The following GALNT17 variants were observed in gnomAD, a reference collection of about 807,000 sequenced individuals.
The protein encoded by GALNT17 is UDP-GalNAc:polypeptide N-acetylgalactosaminyltransferase-like 3.
GALNT17 carries 29 observed loss-of-function variants against 63.7 expected under a neutral mutation model. The ratio of observed to expected loss-of-function variants is 0.46; its 90% CI spans 0.34 to 0.62. The LOEUF is 0.62. Ranked by LOEUF, GALNT17 falls within the 20% of genes least tolerant of loss-of-function variation. GALNT17 has a pLI of 0.01. For missense variants in GALNT17, 603 were observed against 799.6 expected (o/e 0.75, Z 2.97); for synonymous variants, 305 against 318.3 (o/e 0.96, Z 0.45).
At chr7:71,424,184 G>A (rs981911090) in intron 5 of GALNT17, among the ~76,000 whole-genome samples, 1 of 152,160 alleles carries the variant, frequency 6.6e-6, no homozygotes, top group African/African-American at 2.4e-5. Context: ...AGCCTTCAGG[G>A]ATATTTGAGC....
intron 5 of GALNT17, among the ~76,000 whole-genome samples, chr7:71,482,877 T>C (rs1787845648): frequency 6.6e-6 from 1 of 152,106 alleles, no homozygotes; most frequent in Non-Finnish European, 1.5e-5. Flanking sequence ...TGCACATGCG[T>C]AGTTCACAAG....
At chr7:71,355,648 T>C (rs182675013) in intron 2 of GALNT17, among the ~76,000 whole-genome samples, 1 of 151,966 alleles carries the variant, frequency 6.6e-6, no homozygotes, top group African/African-American at 2.4e-5. Context: ...TTCTCCTGCC[T>C]CAGCCTTCCG....
At chr7:71,349,917 C>T (rs1380197905) in intron 2 of GALNT17, among the ~76,000 whole-genome samples, 1 of 152,080 alleles carries the variant, frequency 6.6e-6, no homozygotes, top group African/African-American at 2.4e-5. Context: ...GAATGCAGCC[C>T]CACTTTGCAC....
At chr7:71,249,611 A>G (rs548246779) in intron 1 of GALNT17, among the ~76,000 whole-genome samples, 29 of 152,336 alleles carry the variant, frequency 1.9e-4, no homozygotes, top group African/African-American at 6.7e-4. Context: ...TGTATTTTCC[A>G]TGGCAGCCAT....
At chr7:71,525,429 A>G (rs778720007) in intron 5 of GALNT17, among the ~76,000 whole-genome samples, 5 of 152,098 alleles carry the variant, frequency 3.3e-5, no homozygotes, top group Non-Finnish European at 5.9e-5. Flanking sequence ...GATGGTCTCC[A>G]TCTCCCAACC....
In GALNT17 at chr7:71,351,903, T is replaced by A. The variant is rs184937693; in HGVS notation, c.422+16170T>A. On this transcript the variant is annotated intron_variant, in intron 2 of 10. Coordinates refer to ENST00000333538, the MANE Select transcript of GALNT17 (RefSeq NM_022479.3). ...GTTTTTAGAAGGTCATTCTGAATGA[T>A]GTTTGGAGAATGGATTGCAGAGTGC... Among the ~76,000 whole-genome samples the A allele has an allele frequency of 6.9e-4, 105 of 152,254 alleles. 2 individuals carry two copies. Among genetic ancestry groups the A allele is most frequent in the African/African-American group, 2.5e-3 (102 of 41,562 alleles).
chr7:71,255,242 T>C (rs1409827988), intron 1 of GALNT17, among the ~76,000 whole-genome samples: 1 of 152,204 alleles, frequency 6.6e-6, no homozygotes, highest in Non-Finnish European at 1.5e-5. Flanking sequence ...AACTGAATCA[T>C]GCGGGTGGGT....
At chr7:71,366,880 A>C (rs1583893845) in intron 2 of GALNT17, among the ~76,000 whole-genome samples, 1 of 152,216 alleles carries the variant, frequency 6.6e-6, no homozygotes, top group Admixed American at 6.5e-5. Context: ...ATTTCTTTAT[A>C]GTTCTTGGAT....
At chr7:71,455,058 C>G (rs1787329923) in intron 5 of GALNT17, among the ~76,000 whole-genome samples, 1 of 151,784 alleles carries the variant, frequency 6.6e-6, no homozygotes, top group South Asian at 2.1e-4. Context: ...GTGGCAGCTA[C>G]TCAGGAGGCT....
chr7:71,570,081 T>C (rs1055791839), intron 5 of GALNT17, among the ~76,000 whole-genome samples: 5 of 152,010 alleles, frequency 3.3e-5, no homozygotes, highest in African/African-American at 1.2e-4. Flanking sequence ...TTTTTAACTT[T>C]TTAATAATAA....
chr7:71,437,073 T>G (rs1007355718), intron 5 of GALNT17, among the ~76,000 whole-genome samples: 28 of 152,052 alleles, frequency 1.8e-4, no homozygotes, highest in African/African-American at 6.7e-4. Flanking sequence ...ACAGAGGTCT[T>G]AAGTAAACAC....
At chr7:71,361,869 G>A (rs753240538) in intron 2 of GALNT17, among the ~76,000 whole-genome samples, 1 of 152,144 alleles carries the variant, frequency 6.6e-6, no homozygotes, top group Non-Finnish European at 1.5e-5. Context: ...TTGGGCGTTT[G>A]TTTATGTGAT....
intron 1 of GALNT17, among the ~76,000 whole-genome samples, chr7:71,329,396 A>G (rs1363677104): frequency 6.6e-6 from 1 of 152,192 alleles, no homozygotes; most frequent in Non-Finnish European, 1.5e-5. Context: ...TATGACCTAT[A>G]TATGTCAGGC....
intron 5 of GALNT17, among the ~76,000 whole-genome samples, chr7:71,441,637 G>T (rs879640126): frequency 1.3e-5 from 2 of 151,800 alleles, no homozygotes; most frequent in East Asian, 1.9e-4. Flanking sequence ...CCCTCCCTTC[G>T]CCCCTCACCT....
At chr7:71,447,666 T>A (rs1389989824) in intron 5 of GALNT17, among the ~76,000 whole-genome samples, 2 of 152,210 alleles carry the variant, frequency 1.3e-5, no homozygotes, top group African/African-American at 4.8e-5. Flanking sequence ...TTATAACTAT[T>A]TGCATCTGAT....
chr7:71,606,463 A>G (rs900451783), intron 6 of GALNT17, among the ~76,000 whole-genome samples: 4 of 152,040 alleles, frequency 2.6e-5, no homozygotes, highest in Non-Finnish European at 4.4e-5. Context: ...ATCATCTTCC[A>G]TCTGAGTGAG....
At chr7:71,333,119 A>C (rs924309773) in intron 1 of GALNT17, among the ~76,000 whole-genome samples, 1 of 152,216 alleles carries the variant, frequency 6.6e-6, no homozygotes, top group Non-Finnish European at 1.5e-5. Flanking sequence ...TCCAGGAAAA[A>C]GTGCTATACA....
chr7:71,192,118 A>C lies in GALNT17; in HGVS notation c.238+59078A>C, dbSNP rs565134128. On this transcript the variant is annotated intron_variant, in intron 1 of 10. Transcript: ENST00000333538. The stretch of plus-strand genomic sequence containing the variant: ...AACTTGGAATCTGATGTTCGAGGTC[A>C]GGAAGCATCCAGCACGAGAGAAAGA... Among the ~76,000 whole-genome samples the C allele has an allele frequency of 5.9e-5, 9 of 152,332 alleles. No homozygotes were observed. The South Asian group carries it at 1.2e-3, about 21-fold the overall frequency.
chr7:71,545,750 AGTCTTACTTAC>A (rs1182266893), intron 5 of GALNT17, among the ~76,000 whole-genome samples: 11 of 152,118 alleles, frequency 7.2e-5, no homozygotes, highest in South Asian at 2.1e-4. Context: ...GTATTTGCTG[AGTCTTACTTAC>A]AGTGGATTGT....
Sources: gnomAD v4.1 joint callset for allele counts (sites outside exome capture counted in the v4.1 genomes callset) on GRCh38, gnomAD v4.1.1 for gene constraint, MANE v1.5 for transcripts, NCBI Gene and HGNC (gene_info 2026-07-23, HGNC 2026-07-21) for gene names.